Variants in IMMP2L observed in about 807,000 individuals in gnomAD.
IMMP2L encodes the protein inner mitochondrial membrane peptidase subunit 2.
A neutral mutation model predicts 19.3 loss-of-function variants in IMMP2L; 18 were observed. The ratio of observed to expected loss-of-function variants is 0.93; its 90% confidence interval spans 0.64 to 1.38. The LOEUF is 1.38. Among genes scored for constraint, IMMP2L ranks in the 40% most tolerant of loss-of-function variants. IMMP2L has a pLI of 0.00. For missense variants in IMMP2L, 233 were observed against 218.2 expected (o/e 1.07, Z -0.43); for synonymous variants, 76 against 73.0 (o/e 1.04, Z -0.21).
At chr7:110,680,362 C>T (rs975916296) in intron 5 of IMMP2L, among the ~76,000 whole-genome samples, 1 of 152,184 alleles carries the variant, frequency 6.6e-6, no homozygotes, top group Non-Finnish European at 1.5e-5. Flanking sequence ...GAGTGATCCA[C>T]TCCACTCTGC....
At chr7:110,799,349 A>C (rs1188401381) in intron 5 of IMMP2L, among the ~76,000 whole-genome samples, 1 of 152,040 alleles carries the variant, frequency 6.6e-6, no homozygotes, top group Non-Finnish European at 1.5e-5. Context: ...GGGGACTTTA[A>C]ATTGAAGAAA....
At chr7:111,111,289 G>A in intron 3 of IMMP2L, among the ~76,000 whole-genome samples, 1 of 142,610 alleles carries the variant, frequency 7.0e-6, no homozygotes, top group Non-Finnish European at 1.5e-5. Context: ...CTCTTCATGG[G>A]TAGCAGTTGT....
intron 5 of IMMP2L, among the ~76,000 whole-genome samples, chr7:110,737,236 G>A (rs1194755002): frequency 6.6e-6 from 1 of 152,136 alleles, no homozygotes; most frequent in Non-Finnish European, 1.5e-5. Context: ...AAAAAACTGT[G>A]AGTCTGCTTA....
intron 2 of IMMP2L, among the ~76,000 whole-genome samples, chr7:111,487,908 G>C (rs377522585): frequency 6.6e-6 from 1 of 152,116 alleles, no homozygotes; most frequent in Admixed American, 6.5e-5. Flanking sequence ...GTCCCAGTTT[G>C]AGCCTAATAA....
At chr7:111,291,169 CAGAT>C (rs1821062578) in intron 3 of IMMP2L, among the ~76,000 whole-genome samples, 2 of 152,062 alleles carry the variant, frequency 1.3e-5, no homozygotes, top group African/African-American at 4.8e-5. Context: ...TGGAAAGACA[CAGAT>C]AGTATCTTGC....
intron 5 of IMMP2L, among the ~76,000 whole-genome samples, chr7:110,836,872 G>A (rs1426398023): frequency 6.6e-6 from 1 of 152,088 alleles, no homozygotes; most frequent in Non-Finnish European, 1.5e-5. Flanking sequence ...GAACTAATAA[G>A]GATCCCCAGG....
intron 1 of IMMP2L, among the ~76,000 whole-genome samples, chr7:111,536,394 A>G (rs1490550825): frequency 6.6e-6 from 1 of 151,922 alleles, no homozygotes; most frequent in Non-Finnish European, 1.5e-5. Flanking sequence ...TGCAGCCTCA[A>G]TTCCCAGGCT....
At chr7:111,458,874 T>C (rs1839902800) in intron 3 of IMMP2L, among the ~76,000 whole-genome samples, 1 of 152,198 alleles carries the variant, frequency 6.6e-6, no homozygotes, top group African/African-American at 2.4e-5. Flanking sequence ...GATACACTAT[T>C]AGAATTCAAA....
intron 3 of IMMP2L, among the ~76,000 whole-genome samples, chr7:111,080,000 C>T (rs942900376): frequency 9.7e-5 from 14 of 143,742 alleles, no homozygotes; most frequent in African/African-American, 2.7e-4. Context: ...CCTTGAACTT[C>T]GCAGCCTCCA....
chr7:111,433,882 C>T lies in IMMP2L; in HGVS notation c.239+53356G>A, dbSNP rs184372788. Among the ~76,000 whole-genome samples the T allele has an allele frequency of 2.5e-3, 381 of 151,872 alleles. 12 individuals carry two copies. Among genetic ancestry groups the T allele is most frequent in the African/African-American group, 8.8e-3 (363 of 41,208 alleles). Reference sequence around the variant, plus strand: ...TGACCATACTACATGGAGCAATCTACAGGTTCAACACAATCCCTATTAAAT... The same window carrying T: ...TGACCATACTACATGGAGCAATCTATAGGTTCAACACAATCCCTATTAAAT... On this transcript the variant is annotated intron_variant, in intron 3 of 5. Transcript: ENST00000405709.
intron 3 of IMMP2L, among the ~76,000 whole-genome samples, chr7:111,393,540 A>G (rs1832589898): frequency 6.6e-6 from 1 of 152,058 alleles, no homozygotes; most frequent in African/African-American, 2.4e-5. Context: ...CAGTCTGTAA[A>G]CTCTGCATGC....
intron 4 of IMMP2L, chr7:110,962,879 A>C: frequency 7.6e-7 from 1 of 1,322,964 alleles, no homozygotes; most frequent in Non-Finnish European, 9.6e-7. Flanking sequence ...ACTTGTTTAA[A>C]GAAAGCGATC....
intron 3 of IMMP2L, among the ~76,000 whole-genome samples, chr7:111,161,168 T>A (rs1805219944): frequency 6.6e-6 from 1 of 151,874 alleles, no homozygotes. Context: ...TCCAAAGCAT[T>A]TCAATCTTAT....
chr7:111,304,464 C>T (rs1164357857), intron 3 of IMMP2L, among the ~76,000 whole-genome samples: 1 of 151,736 alleles, frequency 6.6e-6, no homozygotes, highest in African/African-American at 2.4e-5. Context: ...AATTAACGTT[C>T]AGCCATTTGT....
At chr7:111,257,976 C>T (rs1016048866) in intron 3 of IMMP2L, among the ~76,000 whole-genome samples, 4 of 151,978 alleles carry the variant, frequency 2.6e-5, no homozygotes, top group Non-Finnish European at 4.4e-5. Flanking sequence ...GTTCCCCTCC[C>T]TGTGTCTATG....
At chr7:111,251,188 TCACAA>T (rs1252343038) in intron 3 of IMMP2L, among the ~76,000 whole-genome samples, 1 of 151,992 alleles carries the variant, frequency 6.6e-6, no homozygotes, top group Non-Finnish European at 1.5e-5. Context: ...AAAATCAAAA[TCACAA>T]TGAGATACCA....
At chr7:111,232,885 T>C (rs1270989491) in intron 3 of IMMP2L, among the ~76,000 whole-genome samples, 2 of 152,126 alleles carry the variant, frequency 1.3e-5, no homozygotes, top group South Asian at 4.1e-4. Context: ...GTGTCTGCAA[T>C]CCCCTTCTCA....
intron 3 of IMMP2L, among the ~76,000 whole-genome samples, chr7:111,047,021 T>C (rs1331441359): frequency 6.6e-6 from 1 of 152,186 alleles, no homozygotes; most frequent in African/African-American, 2.4e-5. Context: ...CCTTTGCTAC[T>C]TTCATATAGC....
chr7:111,125,378 A>T (rs897975774), intron 3 of IMMP2L: 1 of 167,346 alleles, frequency 6.0e-6, no homozygotes, highest in Non-Finnish European at 1.5e-5. Context: ...CTCTTTTATA[A>T]GGAAAAATAC....
Sources: allele counts gnomAD v4.1 joint callset (sites outside exome capture counted in the v4.1 genomes callset), GRCh38; gene constraint gnomAD v4.1.1; transcripts MANE v1.5; gene names NCBI Gene and HGNC (gene_info 2026-07-23, HGNC 2026-07-21).